Variants in CEP85L observed in about 807,000 individuals in gnomAD.
CEP85L encodes centrosomal protein of 85 kDa-like.
A neutral mutation model predicts 100.3 loss-of-function variants in CEP85L; 60 were observed. The ratio of observed to expected loss-of-function variants is 0.60; its 90% CI spans 0.49 to 0.74. The LOEUF (loss-of-function observed/expected upper bound fraction) is 0.74. Among genes scored for constraint, CEP85L ranks in the 30% least tolerant of loss-of-function variants. The probability of loss-of-function intolerance (pLI) is 0.00; values close to 1 mark genes in which losing one functional copy is unlikely to be tolerated. For synonymous variants in CEP85L, 319 were observed against 322.7 expected, an observed-to-expected ratio of 0.99 and a Z score of 0.12; for missense variants, 973 against 936.2, an observed-to-expected ratio of 1.04 and a Z score of -0.51.
intron 2 of CEP85L, among the ~76,000 whole-genome samples, chr6:118,614,066 G>A (rs541858823): frequency 2.4e-4 from 36 of 152,152 alleles, no homozygotes; most frequent in East Asian, 3.9e-4. Flanking sequence ...TAAAAAGTTC[G>A]TTAAACATTT....
Position 118,651,329 on chromosome 6 carries a change from TTC to T in CEP85L, c.-62_-61del. On this transcript the variant is annotated 5_prime_UTR_variant, in exon 1 of 13. Transcript: ENST00000368491. ...CGACTCCTCACGTCCGTCCTCCTGC[TTC>T]TTCGGCGGCGGAAACTTGCGCGGAG... The T allele has an allele frequency of 7.2e-7, 1 of 1,392,024 alleles. No individual in the cohort carries two copies. Among genetic ancestry groups the T allele is most frequent in the Non-Finnish European group, 9.3e-7 (1 of 1,073,960 alleles). The allele number at this position is 1,392,024 out of a possible 1,614,324, so 86.2% of individuals were successfully genotyped here. A position where few individuals can be genotyped will look rare whatever the true frequency, so the allele number is the denominator to read the frequency against.
At chr6:118,704,640 T>C (rs1185072154) in intron 1 of CEP85L, among the ~76,000 whole-genome samples, 1 of 152,076 alleles carries the variant, frequency 6.6e-6, no homozygotes, top group Non-Finnish European at 1.5e-5. Flanking sequence ...CCGGCTAATT[T>C]TTGTATTTTT....
intron 1 of CEP85L, among the ~76,000 whole-genome samples, chr6:118,695,811 T>C (rs528355244): frequency 9.2e-5 from 14 of 152,332 alleles, no homozygotes; most frequent in Admixed American, 7.2e-4. Context: ...AAGATGCCTT[T>C]ATAATTTGTC....
At chr6:118,623,671 C>T (rs1773592045) in intron 2 of CEP85L, among the ~76,000 whole-genome samples, 2 of 152,130 alleles carry the variant, frequency 1.3e-5, no homozygotes, top group African/African-American at 2.4e-5. Flanking sequence ...AAATTTGATC[C>T]AAAATCAAAG....
chr6:118,644,538 G>A (rs1775065635), intron 1 of CEP85L, among the ~76,000 whole-genome samples: 1 of 151,812 alleles, frequency 6.6e-6, no homozygotes, highest in Non-Finnish European at 1.5e-5. Flanking sequence ...AATTTCACAT[G>A]GCCAAAAAGA....
chr6:118,479,445 C>T (rs1773619727), intron 10 of CEP85L, among the ~76,000 whole-genome samples: 2 of 152,136 alleles, frequency 1.3e-5, no homozygotes, highest in South Asian at 4.1e-4. Context: ...TTGGAATGCT[C>T]TTCCCCTGGA....
intron 2 of CEP85L, among the ~76,000 whole-genome samples, chr6:118,602,696 G>A (rs981818443): frequency 5.9e-5 from 9 of 152,134 alleles, no homozygotes; most frequent in East Asian, 1.9e-4. Context: ...TGGTAAGACC[G>A]ATATGCTTTA....
chr6:118,624,010 C>A (rs1773621008), intron 2 of CEP85L, among the ~76,000 whole-genome samples: 1 of 152,082 alleles, frequency 6.6e-6, no homozygotes, highest in South Asian at 2.1e-4. Flanking sequence ...CCGAGTTAAA[C>A]CTTGGACACC....
intron 2 of CEP85L, among the ~76,000 whole-genome samples, chr6:118,621,340 C>T (rs537540641): frequency 5.3e-5 from 8 of 152,284 alleles, no homozygotes; most frequent in South Asian, 4.1e-4. Context: ...GGAAGCAGAA[C>T]GGTTCACTGT....
At chr6:118,543,206 A>G (rs754576535) in intron 3 of CEP85L, among the ~76,000 whole-genome samples, 7 of 152,142 alleles carry the variant, frequency 4.6e-5, no homozygotes, top group Non-Finnish European at 7.3e-5. Flanking sequence ...ACACACGTCA[A>G]AGTGTGAACA....
intron 5 of CEP85L, among the ~76,000 whole-genome samples, chr6:118,498,850 G>A (rs867407051): frequency 6.6e-6 from 1 of 152,002 alleles, no homozygotes; most frequent in African/African-American, 2.4e-5. Flanking sequence ...TCACCAAAGC[G>A]GACAACATTT....
At chr6:118,660,412 A>T (rs1201246533) in intron 1 of CEP85L, among the ~76,000 whole-genome samples, 1 of 152,256 alleles carries the variant, frequency 6.6e-6, no homozygotes, top group Non-Finnish European at 1.5e-5. Context: ...TGCTGCAGTC[A>T]GGAGCTGGGG....
intron 3 of CEP85L, among the ~76,000 whole-genome samples, chr6:118,557,725 AAATT>A (rs1429143392): frequency 6.6e-6 from 1 of 152,198 alleles, no homozygotes; most frequent in African/African-American, 2.4e-5. Flanking sequence ...GGATGAATAC[AAATT>A]ATTATCGAAT....
chr6:118,466,273 A>G (rs1440063547), intron 12 of CEP85L, among the ~76,000 whole-genome samples: 1 of 152,194 alleles, frequency 6.6e-6, no homozygotes, highest in East Asian at 1.9e-4. Flanking sequence ...ACCTCTCCTT[A>G]TACCTTCATA....
chr6:118,570,992 TAA>T (rs1394704497), intron 2 of CEP85L, among the ~76,000 whole-genome samples: 12 of 151,970 alleles, frequency 7.9e-5, no homozygotes, highest in African/African-American at 2.9e-4. Context: ...TTAGTATTTA[TAA>T]GAGAATTAAA....
intron 1 of CEP85L, among the ~76,000 whole-genome samples, chr6:118,650,420 G>A (rs898711557): frequency 1.3e-5 from 2 of 152,180 alleles, no homozygotes; most frequent in African/African-American, 4.8e-5. Context: ...AGCGACGCAA[G>A]CATGAAATGG....
At chr6:118,503,635 T>C (rs770608216) in intron 5 of CEP85L, among the ~76,000 whole-genome samples, 1 of 151,850 alleles carries the variant, frequency 6.6e-6, no homozygotes. Flanking sequence ...ATAGGACACA[T>C]AAATATAGTC....
chr6:118,683,489 A>G (rs1237310712), intron 1 of CEP85L, among the ~76,000 whole-genome samples: 1 of 152,314 alleles, frequency 6.6e-6, no homozygotes, highest in South Asian at 2.1e-4. Context: ...TCCCTATGGC[A>G]AACTACAACG....
intron 1 of CEP85L, among the ~76,000 whole-genome samples, chr6:118,702,995 CAAAAAAAAAAAA>C (rs34426942): frequency 1.1e-5 from 1 of 93,694 alleles, no homozygotes; most frequent in South Asian, 3.7e-4. Flanking sequence ...GACTCTGTCT[CAAAAAAAAAAAA>C]AAAAAAAAGA....
Sources: gnomAD v4.1 joint callset for allele counts (sites outside exome capture counted in the v4.1 genomes callset) on GRCh38, gnomAD v4.1.1 for gene constraint, MANE v1.5 for transcripts, NCBI Gene and HGNC (gene_info 2026-07-23, HGNC 2026-07-21) for gene names.